Variants in TEKT3 observed in about 807,000 individuals in gnomAD.
The protein encoded by TEKT3 is tektin-3.
In TEKT3, 49 loss-of-function variants were observed where a neutral mutation model predicts 49.8. The ratio of observed to expected loss-of-function variants is 0.98; its 90% CI spans 0.78 to 1.25. The LOEUF (loss-of-function observed/expected upper bound fraction) is 1.25, where lower values mean the gene tolerates loss of function less well. TEKT3 is among the 50% of genes most tolerant of loss of function. The pLI is 0.00. For synonymous variants in TEKT3, 225 were observed against 237.2 expected (o/e 0.95, Z 0.47); for missense variants, 595 against 629.5 (o/e 0.95, Z 0.59).
intron 2 of TEKT3, among the ~76,000 whole-genome samples, chr17:15,335,490 G>A (rs1284131246): frequency 6.6e-6 from 1 of 152,172 alleles, no homozygotes; most frequent in African/African-American, 2.4e-5. Context: ...CACGTTAGAG[G>A]TAGGGCTGAA....
chr17:15,333,287 C>A (rs1327874774), intron 2 of TEKT3, among the ~76,000 whole-genome samples: 4 of 152,294 alleles, frequency 2.6e-5, no homozygotes, highest in South Asian at 2.1e-4. Context: ...AATAAAAATT[C>A]TTTAGTGACT....
chr17:15,317,419 T>A (rs1230531548), intron 5 of TEKT3, among the ~76,000 whole-genome samples: 2 of 152,144 alleles, frequency 1.3e-5, no homozygotes, highest in Non-Finnish European at 2.9e-5. Flanking sequence ...ACTAAACATG[T>A]TTCTAAAATT....
In TEKT3 at chr17:15,304,063, A is replaced by T. The variant is rs1168785181; in HGVS notation, c.1346T>A (p.Val449Asp). 6.2e-7 allele frequency: 1 copy of T among 1,614,096 alleles called. No homozygotes were observed. The highest frequency in any genetic ancestry group is 1.1e-5 in the South Asian group (1 of 91,068). The change falls in exon 9 of 9, where the codon GTC becomes GAC. Residue 449 changes from valine to aspartate, a missense_variant. Transcript: ENST00000395930. The surrounding 1 kb of genome is among the most constrained non-coding windows in gnomAD (Gnocchi z 4.7). Reference sequence around the variant, plus strand: ...ATACTCGAGTGTGGCTTTGATGTGGACCAGCGACTGCAGGGTGTCCTCTGC... The same window carrying T: ...ATACTCGAGTGTGGCTTTGATGTGGTCCAGCGACTGCAGGGTGTCCTCTGC... ...RDAEDTLQSL[V>D]HIKATLEYDL...
chr17:15,332,697 C>T (rs1911816910), intron 2 of TEKT3, among the ~76,000 whole-genome samples: 1 of 152,130 alleles, frequency 6.6e-6, no homozygotes, highest in East Asian at 1.9e-4. Flanking sequence ...AGGGCTAAGA[C>T]AATGCTATGT....
chr17:15,313,890 A>G (rs1405069472), intron 6 of TEKT3, among the ~76,000 whole-genome samples, 197 bp downstream of exon 6: 1 of 152,178 alleles, frequency 6.6e-6, no homozygotes, highest in East Asian at 1.9e-4. Context: ...TTACTTTACA[A>G]AAGAATTCAG....
intron 5 of TEKT3, among the ~76,000 whole-genome samples, chr17:15,315,575 T>C (rs1395022685): frequency 2.9e-5 from 4 of 139,500 alleles, no homozygotes; most frequent in Non-Finnish European, 6.2e-5. Flanking sequence ...TCCTATGAAA[T>C]TGAACACCAG....
chr17:15,338,365 C>G (rs1022634112), intron 2 of TEKT3: 1 of 152,148 alleles, frequency 6.6e-6, no homozygotes, highest in African/African-American at 2.4e-5. Flanking sequence ...AAGAAAACTT[C>G]AAGCTCCAAT....
At chr17:15,333,209 A>G (rs1911844061) in intron 2 of TEKT3, among the ~76,000 whole-genome samples, 1 of 152,174 alleles carries the variant, frequency 6.6e-6, no homozygotes, top group Non-Finnish European at 1.5e-5. Context: ...TTTGGGGTTA[A>G]TGTCTATGGA....
intron 2 of TEKT3, among the ~76,000 whole-genome samples, chr17:15,336,772 A>G (rs1911997074): frequency 6.6e-6 from 1 of 152,194 alleles, no homozygotes; most frequent in Admixed American, 6.5e-5. Context: ...ATAAGTTAAA[A>G]ATATGTATTG....
Position 15,304,656 on chromosome 17 carries a change from T to TGGCCCCATTCCCC in TEKT3, c.1257-517_1257-505dup, listed in dbSNP as rs1467567482. ...TAATAAGAAACTGGGTCCCATTTCC[T>TGGCCCCATTCCCC]GGCCCCATTCCCCTCTCAGCTCCTT... On this transcript the variant is annotated intron_variant, in intron 8 of 8. Coordinates refer to ENST00000395930, the MANE Select transcript of TEKT3 (RefSeq NM_031898.3). The surrounding 1 kb of genome is among the most constrained non-coding windows in gnomAD (Gnocchi z 4.7). Among the ~76,000 whole-genome samples, 1 of 152,190 alleles carries TGGCCCCATTCCCC rather than the reference T, an allele frequency of 6.6e-6. No individual in the cohort carries two copies. Among genetic ancestry groups the TGGCCCCATTCCCC allele is most frequent in the East Asian group, 1.9e-4 (1 of 5,194 alleles).
intron 5 of TEKT3, among the ~76,000 whole-genome samples, chr17:15,314,614 T>G (rs1049160912): frequency 2.6e-5 from 4 of 152,000 alleles, no homozygotes; most frequent in Non-Finnish European, 1.5e-5. Context: ...TTCCTTCCTT[T>G]TCCTTTTCCT....
At chr17:15,311,370 T>C (rs1910764381) in intron 7 of TEKT3, 1 of 152,150 alleles carries the variant, frequency 6.6e-6, no homozygotes. Context: ...GCACATATAC[T>C]AAAATTGGAA....
At chr17:15,315,705 G>C (rs911462007) in intron 5 of TEKT3, among the ~76,000 whole-genome samples, 2 of 152,198 alleles carry the variant, frequency 1.3e-5, no homozygotes, top group East Asian at 3.9e-4. Flanking sequence ...AGTTGACATA[G>C]TAAACTTGAG....
upstream of TEKT3, among the ~76,000 whole-genome samples, chr17:15,342,636 C>A (rs185883323): frequency 2.0e-5 from 3 of 152,260 alleles, no homozygotes; most frequent in East Asian, 5.8e-4. Flanking sequence ...TAGAGGCTGA[C>A]TCAGGCCAAC....
chr17:15,331,601 T>C lies in TEKT3; in HGVS notation c.-16A>G, dbSNP rs559062882. On this transcript the variant is annotated 5_prime_UTR_variant, in exon 3 of 9. Coordinates refer to ENST00000395930, the MANE Select transcript of TEKT3 (RefSeq NM_031898.3). Reference sequence around the variant, plus strand: ...CACGTTCCATGATGCCAAAACACTATTTGTAAATCTCTCCTGTTAAAAAAT... The same window carrying C: ...CACGTTCCATGATGCCAAAACACTACTTGTAAATCTCTCCTGTTAAAAAAT... The C allele has an allele frequency of 6.3e-7, 1 of 1,586,126 alleles. No individual in the cohort carries two copies. The highest frequency in any genetic ancestry group is 1.4e-5 in the African/African-American group (1 of 73,836).
chr17:15,337,348 A>T (rs1228619042), intron 2 of TEKT3, among the ~76,000 whole-genome samples: 1 of 152,102 alleles, frequency 6.6e-6, no homozygotes, highest in Non-Finnish European at 1.5e-5. Context: ...GACAAAAAAG[A>T]CTCATAATTA....
At chr17:15,330,362 G>A (rs955861716) in intron 3 of TEKT3, among the ~76,000 whole-genome samples, 5 of 152,290 alleles carry the variant, frequency 3.3e-5, no homozygotes, top group Non-Finnish European at 4.4e-5. Context: ...AATGTTGGGG[G>A]TGGGGCCTGG....
chr17:15,339,810 G>A (rs980096527), intron 2 of TEKT3, among the ~76,000 whole-genome samples: 3 of 152,176 alleles, frequency 2.0e-5, no homozygotes, highest in South Asian at 4.1e-4. Flanking sequence ...ATAAAACAGC[G>A]CTGCCAATAC....
At chr17:15,314,418 G>A in intron 5 of TEKT3, 188 bp from the exon 6 acceptor site, 1 of 577,876 alleles carries the variant, frequency 1.7e-6, no homozygotes, top group Non-Finnish European at 2.9e-6. Context: ...TACGTCACTG[G>A]GACCCTAACT....
Sources: gnomAD v4.1 joint callset for allele counts (sites outside exome capture counted in the v4.1 genomes callset) on GRCh38, gnomAD v4.1.1 for gene constraint, Gnocchi (gnomAD v3.1) non-coding constraint, MANE v1.5 for transcripts, NCBI Gene and HGNC (gene_info 2026-07-23, HGNC 2026-07-21) for gene names.